Variants in ACYP2 observed in about 807,000 individuals in gnomAD.
The protein encoded by ACYP2 is acylphosphatase 2, also known as acylphosphatase-2.
ACYP2 carries 12 observed loss-of-function variants against 11.2 expected under a neutral mutation model. The observed-to-expected ratio is 1.08, with a 90% CI of 0.69 to 1.74. The LOEUF (loss-of-function observed/expected upper bound fraction) is 1.74. Ranked by LOEUF, ACYP2 falls within the 40% of genes most tolerant of loss-of-function variation. ACYP2 has a pLI of 0.00. For synonymous variants in ACYP2, 43 were observed against 32.2 expected (o/e 1.33, Z -1.13); for missense variants, 134 against 101.9 (o/e 1.31, Z -1.35).
At chr2:54,121,503 A>G (rs1436077735) in intron 4 of ACYP2, among the ~76,000 whole-genome samples, 2 of 152,218 alleles carry the variant, frequency 1.3e-5, no homozygotes, top group African/African-American at 4.8e-5. Context: ...GATGAATACC[A>G]TATTTCTTAA....
intron 2 of ACYP2, among the ~76,000 whole-genome samples, chr2:54,018,114 C>G (rs1397119100): frequency 6.6e-6 from 1 of 152,114 alleles, no homozygotes; most frequent in African/African-American, 2.4e-5. Context: ...CCTAGCAACC[C>G]AGAGCACGTT....
intron 4 of ACYP2, among the ~76,000 whole-genome samples, chr2:54,101,739 T>C (rs1276436201): frequency 6.6e-6 from 1 of 152,106 alleles, no homozygotes; most frequent in Non-Finnish European, 1.5e-5. Context: ...TCTTTCTTTC[T>C]TTCCTCCCTT....
chr2:54,271,187 C>A (rs888944216), intron 6 of ACYP2, among the ~76,000 whole-genome samples: 1 of 152,172 alleles, frequency 6.6e-6, no homozygotes, highest in African/African-American at 2.4e-5. Flanking sequence ...TGATCCCCTC[C>A]TTGTCCGGGA....
chr2:53,979,010 G>T, intron 2 of ACYP2, among the ~76,000 whole-genome samples: 1 of 151,950 alleles, frequency 6.6e-6, no homozygotes, highest in African/African-American at 2.4e-5. Context: ...TTATGTATTT[G>T]CTATACTATA....
chr2:54,080,245 T>C (rs2103663598), intron 4 of ACYP2: 1 of 152,738 alleles, frequency 6.5e-6, no homozygotes, highest in Admixed American at 6.5e-5. Flanking sequence ...TGATCCTTTG[T>C]GGCAACACCA....
intron 6 of ACYP2, among the ~76,000 whole-genome samples, chr2:54,246,576 G>A (rs536492770): frequency 6.6e-5 from 10 of 151,956 alleles, no homozygotes; most frequent in South Asian, 4.2e-4. Flanking sequence ...ATTCTCTATC[G>A]TGCTGCCTAA....
intron 6 of ACYP2, among the ~76,000 whole-genome samples, chr2:54,246,120 C>A (rs560055398): frequency 6.6e-6 from 1 of 152,202 alleles, no homozygotes; most frequent in South Asian, 2.1e-4. Context: ...ATTGTTCTTT[C>A]CCCCAATTAA....
intron 2 of ACYP2, among the ~76,000 whole-genome samples, chr2:54,049,970 G>A (rs553638083): frequency 4.6e-5 from 7 of 152,258 alleles, no homozygotes; most frequent in African/African-American, 1.2e-4. Flanking sequence ...ATGCACAAGT[G>A]TGCTCATTGC....
rs1357996014 is a variant in ACYP2, at chr2:54,258,633, AG to A, written c.405-46050del. On this transcript the variant is annotated intron_variant, in intron 6 of 6. Transcript: ENST00000607452. ...TCTGTATGGTGGCAATGGTAGATTT[AG>A]GGGGATCTTTTGGGAGGCTACTGCA... is the stretch of plus-strand genomic sequence containing the variant. Among the ~76,000 whole-genome samples the A allele has an allele frequency of 7.2e-5, 11 of 152,234 alleles. No homozygotes were observed. In the South Asian group the frequency reaches 2.3e-3, roughly 32 times the overall value.
At chr2:54,196,746 T>C (rs1284115886) in intron 6 of ACYP2, among the ~76,000 whole-genome samples, 2 of 129,840 alleles carry the variant, frequency 1.5e-5, no homozygotes, top group African/African-American at 6.8e-5. Context: ...TTTGTCTCCA[T>C]ATATTGGTCA....
chr2:54,012,376 G>T, intron 2 of ACYP2, among the ~76,000 whole-genome samples: 1 of 152,094 alleles, frequency 6.6e-6, no homozygotes, highest in Admixed American at 6.6e-5. Context: ...CATTAGCCAG[G>T]CATGGTGGCA....
At chr2:54,107,323 C>A (rs898033220) in intron 4 of ACYP2, among the ~76,000 whole-genome samples, 2 of 152,166 alleles carry the variant, frequency 1.3e-5, no homozygotes, top group Admixed American at 1.3e-4. Flanking sequence ...ATTCTATAAT[C>A]TTTCAACAGC....
At chr2:54,013,261 G>A (rs372945993) in intron 2 of ACYP2, among the ~76,000 whole-genome samples, 17,869 of 47,674 alleles carry the variant, frequency 0.37, 1,926 homozygotes, top group African/African-American at 0.42. Context: ...TAATATGTGT[G>A]TGTGTGTGTG....
intron 2 of ACYP2, among the ~76,000 whole-genome samples, chr2:54,003,833 A>T (rs1672922853): frequency 1.3e-5 from 2 of 152,206 alleles, no homozygotes; most frequent in African/African-American, 2.4e-5. Flanking sequence ...CAAAGCGCCT[A>T]TGCCATTTTG....
Position 54,051,004 on chromosome 2 carries a change from G to A in ACYP2, c.109G>A (p.Val37Ile), listed in dbSNP as rs1219468966. 3 of 454,084 alleles carry A rather than the reference G, an allele frequency of 6.6e-6. No individual in the cohort carries two copies. Among genetic ancestry groups the A allele is most frequent in the Non-Finnish European group, 7.7e-6 (2 of 260,312 alleles). 28.1% of individuals were successfully genotyped at this position (454,084 alleles called of 1,614,324 possible). ...CCTAGGCTGTTCTAGAACTCCTAAT[G>A]TCAAGCTATCCTCCTGCCTCGGCCT... Residue 37 changes from valine to isoleucine, a missense_variant, in exon 3 of 7, where the codon GTC becomes ATC. Transcript: ENST00000607452.
At chr2:54,115,707 C>A (rs1310441797) in intron 4 of ACYP2, 36 of 1,612,622 alleles carry the variant, frequency 2.2e-5, no homozygotes, top group Non-Finnish European at 2.9e-5. Flanking sequence ...CCATGTCTAC[C>A]GCCCAGTCAC....
intron 2 of ACYP2, among the ~76,000 whole-genome samples, chr2:53,980,375 A>G (rs1313256146): frequency 6.6e-6 from 1 of 150,628 alleles, no homozygotes; most frequent in Non-Finnish European, 1.5e-5. Context: ...TTTTTTTTTT[A>G]TAAAAAGAAA....
intron 6 of ACYP2, among the ~76,000 whole-genome samples, chr2:54,218,340 C>T (rs1020964994): frequency 2.6e-5 from 4 of 152,144 alleles, no homozygotes; most frequent in African/African-American, 7.2e-5. Flanking sequence ...TGGTGTGCTA[C>T]ATATATATTG....
chr2:54,255,264 G>T, intron 6 of ACYP2: 1 of 1,614,186 alleles, frequency 6.2e-7, no homozygotes, highest in Non-Finnish European at 8.5e-7. Context: ...TTTGAAAGAA[G>T]AACTTAAACT....
Sources: allele counts gnomAD v4.1 joint callset (sites outside exome capture counted in the v4.1 genomes callset), GRCh38; gene constraint gnomAD v4.1.1; transcripts MANE v1.5; gene names NCBI Gene and HGNC (gene_info 2026-07-23, HGNC 2026-07-21).